The following FCHSD2 variants were observed in gnomAD, a reference collection of about 807,000 sequenced individuals.
FCHSD2 encodes the protein FCH and double SH3 domains 2.
Under a neutral mutation model 108.1 loss-of-function variants are expected in FCHSD2, and 38 were observed. The observed-to-expected ratio is 0.35, with a 90% CI of 0.27 to 0.46. FCHSD2 has a LOEUF of 0.46. Among genes scored for constraint, FCHSD2 ranks in the 20% least tolerant of loss-of-function variants. FCHSD2 has a pLI of 1.00. For synonymous variants in FCHSD2, 279 were observed against 314.7 expected (o/e 0.89, Z 1.20); for missense variants, 751 against 897.8 (o/e 0.84, Z 2.09).
In FCHSD2 at chr11:72,838,578, A is replaced by C. The variant is rs953831920; in HGVS notation, c.*213T>G. 1.7e-6 allele frequency: 1 copy of C among 579,528 alleles called. No individual in the cohort carries two copies. The highest frequency in any genetic ancestry group is 3.1e-6 in the Non-Finnish European group (1 of 323,798). The allele number at this position is 579,528 out of a possible 1,614,324, so 35.9% of individuals were successfully genotyped here. ...GGTCCGCTAGGATTTGTGCTATGGT[A>C]GGAGAAATGACATAGAAAATGACAA... On this transcript the variant is annotated 3_prime_UTR_variant, in exon 20 of 20. Transcript: ENST00000409418.
At chr11:73,117,275 AC>A (rs1860626200) in intron 2 of FCHSD2, among the ~76,000 whole-genome samples, 1 of 152,216 alleles carries the variant, frequency 6.6e-6, no homozygotes, top group African/African-American at 2.4e-5. Flanking sequence ...GGGTTAAGTA[AC>A]CAAGTTTGGA....
At chr11:73,007,436 T>C (rs1018312891) in intron 4 of FCHSD2, among the ~76,000 whole-genome samples, 2 of 151,754 alleles carry the variant, frequency 1.3e-5, no homozygotes, top group African/African-American at 4.8e-5. Flanking sequence ...GCCTGGGCAA[T>C]ATAACAAAAC....
chr11:73,010,211 T>C (rs1857832351), intron 4 of FCHSD2, among the ~76,000 whole-genome samples: 1 of 152,184 alleles, frequency 6.6e-6, no homozygotes, highest in Non-Finnish European at 1.5e-5. Context: ...TATTTTGTAT[T>C]TCATTCAATG....
At chr11:72,846,480 C>A (rs956275056) in intron 14 of FCHSD2, among the ~76,000 whole-genome samples, 2 of 152,070 alleles carry the variant, frequency 1.3e-5, no homozygotes, top group South Asian at 4.1e-4. Context: ...GTGCCCAGCC[C>A]CCATTTTGTT....
intron 2 of FCHSD2, among the ~76,000 whole-genome samples, chr11:73,115,994 G>C (rs1860592626): frequency 6.6e-6 from 1 of 152,238 alleles, no homozygotes; most frequent in Non-Finnish European, 1.5e-5. Context: ...GGGCACAACT[G>C]TGTTATCCAC....
chr11:72,840,692 A>T (rs1860897506), intron 19 of FCHSD2, among the ~76,000 whole-genome samples, 185 bp downstream of exon 19: 1 of 151,730 alleles, frequency 6.6e-6, no homozygotes, highest in Non-Finnish European at 1.5e-5. Flanking sequence ...GTGTAGATTA[A>T]ATGTCCCGAG....
intron 2 of FCHSD2, among the ~76,000 whole-genome samples, chr11:73,087,892 C>T (rs1368221379): frequency 6.6e-6 from 1 of 152,078 alleles, no homozygotes; most frequent in Non-Finnish European, 1.5e-5. Context: ...CACAGTAATA[C>T]CATTTTTCAT....
chr11:73,015,842 G>C lies in FCHSD2; in HGVS notation c.209C>G (p.Pro70Arg). The change falls in exon 4 of 20, where the codon CCT (proline) becomes CGT (arginine). Residue 70 changes from proline to arginine, a missense_variant. Coordinates refer to ENST00000409418, the MANE Select transcript of FCHSD2 (RefSeq NM_014824.3). ...ATTCCGATCATCAGCTTTTACTCCA[G>C]GCCAATCTCTCTTCAGGTATTGACT... is the stretch of plus-strand genomic sequence containing the variant. Reference protein sequence around the residue: ...LASQYLKRDWPGVKADDRNDY... With the variant: ...LASQYLKRDWRGVKADDRNDY... 1 of 1,606,300 alleles carries C rather than the reference G, an allele frequency of 6.2e-7. No individual in the cohort carries two copies.
At chr11:72,924,160 C>CA (rs986119484) in intron 8 of FCHSD2, among the ~76,000 whole-genome samples, 6 of 152,144 alleles carry the variant, frequency 3.9e-5, no homozygotes, top group Non-Finnish European at 7.3e-5. Context: ...AGGCTGGACT[C>CA]AAACTTCTGG....
chr11:72,873,049 G>A (rs1380587778), intron 12 of FCHSD2, among the ~76,000 whole-genome samples: 1 of 152,026 alleles, frequency 6.6e-6, no homozygotes, highest in East Asian at 1.9e-4. Context: ...CAAATCTTAG[G>A]CCAGGCACGG....
chr11:72,994,777 C>CAA (rs904006759), intron 5 of FCHSD2, among the ~76,000 whole-genome samples: 2 of 151,156 alleles, frequency 1.3e-5, no homozygotes, highest in African/African-American at 2.4e-5. Flanking sequence ...AAAAACAAAA[C>CAA]AAAAAAAAGA....
chr11:72,857,916 T>C (rs1224117468), intron 13 of FCHSD2, among the ~76,000 whole-genome samples: 1 of 152,206 alleles, frequency 6.6e-6, no homozygotes, highest in Admixed American at 6.5e-5. Context: ...GGTTTGAATG[T>C]TGACTATGTC....
chr11:73,017,339 T>C (rs1228720272), intron 3 of FCHSD2, among the ~76,000 whole-genome samples: 1 of 152,220 alleles, frequency 6.6e-6, no homozygotes, highest in African/African-American at 2.4e-5. Context: ...GGGCCTAATG[T>C]AATGGTTATA....
chr11:72,848,998 G>T (rs753556839), intron 14 of FCHSD2, among the ~76,000 whole-genome samples: 1 of 152,124 alleles, frequency 6.6e-6, no homozygotes, highest in Non-Finnish European at 1.5e-5. Flanking sequence ...AAAATGAAAG[G>T]ATGTTAAACT....
intron 8 of FCHSD2, among the ~76,000 whole-genome samples, chr11:72,926,077 T>C (rs1353041662): frequency 2.6e-5 from 4 of 152,102 alleles, no homozygotes; most frequent in African/African-American, 9.7e-5. Flanking sequence ...CCCACTCAGA[T>C]TAGTGGGGTT....
intron 3 of FCHSD2, among the ~76,000 whole-genome samples, chr11:73,059,107 A>T (rs181975849): frequency 8.5e-5 from 13 of 152,340 alleles, no homozygotes; most frequent in African/African-American, 2.9e-4. Context: ...AGAAAATGAG[A>T]CTACTTTCAG....
At chr11:73,130,515 C>T (rs1327992853) in intron 2 of FCHSD2, among the ~76,000 whole-genome samples, 1 of 152,244 alleles carries the variant, frequency 6.6e-6, no homozygotes, top group East Asian at 1.9e-4. Context: ...ACTATCTTCA[C>T]CTGCCTTGGG....
chr11:72,984,200 G>C lies in FCHSD2; in HGVS notation c.593C>G (p.Ser198Cys). 3.7e-6 allele frequency: 6 copies of C among 1,613,796 alleles called. No individual in the cohort carries two copies. The highest frequency in any genetic ancestry group is 5.1e-6 in the Non-Finnish European group (6 of 1,179,738). Residue 198 changes from serine to cysteine, a missense_variant, in exon 8 of 20, where the codon TCT becomes TGT. By Grantham distance (112) the Ser-to-Cys change is moderately radical. Transcript: ENST00000409418. The stretch of plus-strand genomic sequence containing the variant: ...GTGGGTAGCTTTGGAATTACACTCA[G>C]ATCGCCGGGCTTTTAACTAAAACAT... Reference protein sequence around the residue: ...KASVKLKARRSECNSKATHAR... With the variant: ...KASVKLKARRCECNSKATHAR...
intron 17 of FCHSD2, among the ~76,000 whole-genome samples, chr11:72,842,270 A>T (rs916633892): frequency 9.9e-5 from 15 of 152,236 alleles, no homozygotes; most frequent in Admixed American, 3.9e-4. Context: ...GAGCCAGCTA[A>T]GAGTTTTACT....
Sources: allele counts gnomAD v4.1 joint callset (sites outside exome capture counted in the v4.1 genomes callset), GRCh38; gene constraint gnomAD v4.1.1; transcripts MANE v1.5; gene names NCBI Gene and HGNC (gene_info 2026-07-23, HGNC 2026-07-21).